Variants in NAV2 observed in about 807,000 individuals in gnomAD.
NAV2 encodes the protein helicase, APC down-regulated 1.
Under a neutral mutation model 223.2 loss-of-function variants are expected in NAV2, and 54 were observed. That is an observed-to-expected ratio of 0.24 (90% confidence interval 0.19 to 0.30). The LOEUF is 0.30. Ranked by LOEUF, NAV2 falls within the 10% of genes least tolerant of loss-of-function variation. The probability of loss-of-function intolerance (pLI) is 1.00; values close to 1 mark genes in which losing one functional copy is unlikely to be tolerated. For missense variants in NAV2, 2,806 were observed against 3,147.5 expected (o/e 0.89, Z 2.60); for synonymous variants, 1,279 against 1,239.3 (o/e 1.03, Z -0.67).
At position 19,668,031 on chromosome 11, in the gene NAV2, C is replaced by T. The variant is rs796358888; in HGVS notation, c.76-164453C>T. Among the ~76,000 whole-genome samples, 16 of 152,290 alleles carry T rather than the reference C, an allele frequency of 1.1e-4. No homozygotes were observed. The South Asian group carries it at 3.1e-3, about 30-fold the overall frequency. On this transcript the variant is annotated intron_variant, in intron 1 of 37. Transcript: ENST00000360655. ...CCCAAACTCCCCCAGCCCAGACCCA[C>T]AGGCCCATCCCACCTATTCTCTCCC...
intron 10 of NAV2, among the ~76,000 whole-genome samples, chr11:19,975,184 C>T (rs1441281690): frequency 6.6e-6 from 1 of 152,182 alleles, no homozygotes; most frequent in East Asian, 1.9e-4. Flanking sequence ...ACAGTTGAAC[C>T]ACAGTAAAGA....
chr11:19,854,563 C>T (rs1363476152), intron 3 of NAV2, among the ~76,000 whole-genome samples: 2 of 152,260 alleles, frequency 1.3e-5, no homozygotes, highest in East Asian at 3.9e-4. Flanking sequence ...TCACAATCTC[C>T]ACCATTCCCT....
chr11:19,438,856 C>T (rs1162097548), intron 1 of NAV2, among the ~76,000 whole-genome samples: 1 of 151,954 alleles, frequency 6.6e-6, no homozygotes, highest in African/African-American at 2.4e-5. Context: ...CCCAAAGGCT[C>T]TCTAAACCCA....
chr11:19,869,656 C>T (rs1431239673), intron 4 of NAV2, among the ~76,000 whole-genome samples: 1 of 152,166 alleles, frequency 6.6e-6, no homozygotes, highest in African/African-American at 2.4e-5. Flanking sequence ...CAAGCAGCTG[C>T]CAGCTCAGAG....
intron 1 of NAV2, among the ~76,000 whole-genome samples, chr11:19,582,319 T>C (rs1386236200): frequency 6.6e-6 from 1 of 152,210 alleles, no homozygotes; most frequent in East Asian, 1.9e-4. Flanking sequence ...GTAGGTTGCC[T>C]GTTCACTCTG....
intron 1 of NAV2, among the ~76,000 whole-genome samples, chr11:19,671,361 T>C (rs2048566893): frequency 6.6e-6 from 1 of 152,238 alleles, no homozygotes; most frequent in African/African-American, 2.4e-5. Context: ...ATGTAGTTTT[T>C]ATGTCCTGTC....
intron 1 of NAV2, among the ~76,000 whole-genome samples, chr11:19,642,667 G>T (rs114061839): frequency 6.6e-6 from 1 of 152,110 alleles, no homozygotes; most frequent in Non-Finnish European, 1.5e-5. Context: ...TAAGATCTTT[G>T]CTCTCAGCAT....
chr11:19,373,959 G>A (rs893886752), intron 1 of NAV2, among the ~76,000 whole-genome samples: 5 of 152,076 alleles, frequency 3.3e-5, no homozygotes, highest in African/African-American at 9.7e-5. Flanking sequence ...AATAGTTTTA[G>A]TCAAGATAAC....
intron 34 of NAV2, among the ~76,000 whole-genome samples, chr11:20,103,969 C>T (rs2061833896): frequency 6.6e-6 from 1 of 152,214 alleles, no homozygotes; most frequent in Non-Finnish European, 1.5e-5. Context: ...ACACACTGGT[C>T]AGTGGCAGAG....
chr11:19,990,779 T>G (rs1291130120), intron 11 of NAV2, among the ~76,000 whole-genome samples: 1 of 152,208 alleles, frequency 6.6e-6, no homozygotes, highest in Non-Finnish European at 1.5e-5. Flanking sequence ...GTTTGGTTTC[T>G]TAATCACACT....
chr11:19,520,748 G>T (rs2043625262), intron 1 of NAV2, among the ~76,000 whole-genome samples: 1 of 152,230 alleles, frequency 6.6e-6, no homozygotes, highest in Non-Finnish European at 1.5e-5. Context: ...GATGCACTTT[G>T]CCAAGCGAGG....
intron 11 of NAV2, among the ~76,000 whole-genome samples, chr11:19,985,404 C>G (rs562291392): frequency 4.6e-5 from 7 of 152,300 alleles, no homozygotes; most frequent in South Asian, 4.1e-4. Flanking sequence ...AGAGTCCCCC[C>G]AGTGCCCAGG....
intron 1 of NAV2, among the ~76,000 whole-genome samples, chr11:19,496,681 A>T (rs561781369): frequency 1.3e-5 from 2 of 152,346 alleles, no homozygotes; most frequent in East Asian, 3.9e-4. Flanking sequence ...AGTGCTACAC[A>T]AGGGCCTGAA....
At chr11:19,965,497 C>T (rs2048697538) in intron 10 of NAV2, among the ~76,000 whole-genome samples, 1 of 152,100 alleles carries the variant, frequency 6.6e-6, no homozygotes, top group Non-Finnish European at 1.5e-5. Context: ...GTATCTCTTA[C>T]TATGGTTTTT....
intron 1 of NAV2, among the ~76,000 whole-genome samples, chr11:19,415,758 G>C (rs1850340378): frequency 6.6e-6 from 1 of 152,186 alleles, no homozygotes; most frequent in Non-Finnish European, 1.5e-5. Context: ...GATCGAGTTG[G>C]CTTCATCCCT....
chr11:19,585,478 G>A (rs1405534444), intron 1 of NAV2, among the ~76,000 whole-genome samples: 1 of 152,142 alleles, frequency 6.6e-6, no homozygotes, highest in African/African-American at 2.4e-5. Context: ...TAGCCTTGAT[G>A]GTCTTTACAA....
At chr11:19,427,943 C>T (rs1478430481) in intron 1 of NAV2, among the ~76,000 whole-genome samples, 1 of 151,612 alleles carries the variant, frequency 6.6e-6, no homozygotes, top group Non-Finnish European at 1.5e-5. Context: ...TCTGCATCCC[C>T]CCGCTAGTTT....
At chr11:19,496,277 A>G (rs11025156) in intron 1 of NAV2, among the ~76,000 whole-genome samples, 21,944 of 152,252 alleles carry the variant, frequency 0.14, 1,684 homozygotes, top group Admixed American at 0.2. Context: ...AAAACAATAA[A>G]CATTTATTAT....
At chr11:20,082,479 T>C in intron 25 of NAV2, 2 of 1,000,450 alleles carry the variant, frequency 2.0e-6, no homozygotes, top group Non-Finnish European at 1.6e-6. Flanking sequence ...GTGTTTATTA[T>C]TAGCCATGTT....
Sources: gnomAD v4.1 joint callset for allele counts (sites outside exome capture counted in the v4.1 genomes callset) on GRCh38, gnomAD v4.1.1 for gene constraint, MANE v1.5 for transcripts, NCBI Gene and HGNC (gene_info 2026-07-23, HGNC 2026-07-21) for gene names.